TACC1: variants seen among roughly 807,000 people sequenced by gnomAD.
TACC1 encodes the protein transforming acidic coiled-coil-containing protein 1.
In TACC1, 48 loss-of-function variants were observed where a neutral mutation model predicts 84.4. The observed-to-expected ratio is 0.57, with a 90% CI of 0.45 to 0.72. The LOEUF (loss-of-function observed/expected upper bound fraction) is 0.72. Among genes scored for constraint, TACC1 ranks in the 30% least tolerant of loss-of-function variants. The pLI is 0.00. For synonymous variants in TACC1, 372 were observed against 376.3 expected (o/e 0.99, Z 0.13); for missense variants, 920 against 973.0 (o/e 0.95, Z 0.72).
At chr8:38,795,542 A>G (rs1305405769) in intron 2 of TACC1, among the ~76,000 whole-genome samples, 1 of 152,254 alleles carries the variant, frequency 6.6e-6, no homozygotes, top group African/African-American at 2.4e-5. Flanking sequence ...GCCTAAAGCC[A>G]TTTAAACATT....
intron 2 of TACC1, among the ~76,000 whole-genome samples, chr8:38,806,510 G>A (rs1822766365): frequency 6.6e-6 from 1 of 151,910 alleles, no homozygotes; most frequent in South Asian, 2.1e-4. Flanking sequence ...GAGAGAGAGA[G>A]AAAATAAATT....
intron 3 of TACC1, among the ~76,000 whole-genome samples, chr8:38,752,604 A>T (rs921421938): frequency 6.6e-6 from 1 of 152,082 alleles, no homozygotes; most frequent in Non-Finnish European, 1.5e-5. Context: ...CCCCACTTGG[A>T]CTCCATCACA....
intron 1 of TACC1, chr8:38,788,351 A>C: frequency 4.9e-6 from 1 of 205,230 alleles, no homozygotes; most frequent in Non-Finnish European, 1.0e-5. Flanking sequence ...GGGTGGGACC[A>C]GTATTAATTG....
upstream of TACC1, among the ~76,000 whole-genome samples, chr8:38,787,010 G>A (rs1012523091): frequency 6.6e-6 from 1 of 151,848 alleles, no homozygotes. Context: ...GCGGACCTGT[G>A]GGGTATGACC....
intron 3 of TACC1, among the ~76,000 whole-genome samples, chr8:38,752,188 TGG>T (rs1809165998): frequency 6.6e-6 from 1 of 152,282 alleles, no homozygotes; most frequent in East Asian, 1.9e-4. Context: ...AATACCTTCT[TGG>T]CCAGGCACTG....
chr8:38,843,938 A>G (rs965107379), intron 11 of TACC1, among the ~76,000 whole-genome samples: 1 of 152,202 alleles, frequency 6.6e-6, no homozygotes, highest in African/African-American at 2.4e-5. Context: ...TATGTTAGAA[A>G]AGGAATTGCT....
At chr8:38,755,731 CAACAACAACAACAACAACAACA>C (rs1809884532) in intron 3 of TACC1, among the ~76,000 whole-genome samples, 1 of 132,986 alleles carries the variant, frequency 7.5e-6, no homozygotes, top group Non-Finnish European at 1.6e-5. Context: ...ACAACAACAA[CAACAACAACAACAACAACAACA>C]GAGTGTTCCT....
intron 2 of TACC1, among the ~76,000 whole-genome samples, chr8:38,804,108 CA>C (rs963309642): frequency 3.3e-5 from 5 of 152,032 alleles, no homozygotes; most frequent in Non-Finnish European, 7.4e-5. Flanking sequence ...GCCTTTTACA[CA>C]GGGTTGATTT....
chr8:38,842,529 A>G lies in TACC1; in HGVS notation c.2121+82A>G, dbSNP rs73674606. The G allele has an allele frequency of 2.5e-3, 3,608 of 1,432,772 alleles. 75 individuals are homozygous for G. In the African/African-American group the frequency reaches 0.044, roughly 17 times the overall value. The allele number at this position is 1,432,772 out of a possible 1,614,324, so 88.8% of individuals were successfully genotyped here. ...TAACTGGTCATCAAATACATATGCC[A>G]GAGGTTGTGGGTATCCTTTTAAATA... On this transcript the variant is annotated intron_variant, in intron 10 of 12. Coordinates refer to ENST00000317827, the MANE Select transcript of TACC1 (RefSeq NM_006283.3).
intron 3 of TACC1, among the ~76,000 whole-genome samples, chr8:38,745,968 G>A (rs986787634): frequency 6.6e-6 from 1 of 152,102 alleles, no homozygotes; most frequent in Non-Finnish European, 1.5e-5. Context: ...GCCTCAGCTA[G>A]CATGCTCAGT....
At chr8:38,847,698 C>G (rs1832576089) in intron 12 of TACC1, among the ~76,000 whole-genome samples, 1 of 152,238 alleles carries the variant, frequency 6.6e-6, no homozygotes, top group Non-Finnish European at 1.5e-5. Flanking sequence ...AATTGGGGAA[C>G]TAAGAGATTC....
At chr8:38,732,212 A>AAAG in intron 1 of TACC1, among the ~76,000 whole-genome samples, 1 of 121,732 alleles carries the variant, frequency 8.2e-6, no homozygotes, top group African/African-American at 2.9e-5. Context: ...GGAAAGGAAA[A>AAAG]GAAAATGGTA....
intron 2 of TACC1, among the ~76,000 whole-genome samples, chr8:38,814,833 A>G (rs1232816728): frequency 1.3e-5 from 2 of 152,250 alleles, no homozygotes. Flanking sequence ...GAAAGGAGGT[A>G]GTTCTTGTCC....
rs553222836 is a variant in TACC1 at position 38,822,055 on chromosome 8, A to C, written c.1391+1420A>C. On this transcript the variant is annotated intron_variant, in intron 3 of 12. Transcript: ENST00000317827. ...GGGCAACATAGTGAGACACCCCCCC[A>C]CACACACCGATTCCCTGTCTCTTAA... 1.8e-3 allele frequency among the ~76,000 whole-genome samples: 279 copies of C among 152,064 alleles called. 1 individual carries two copies. Among genetic ancestry groups the C allele is most frequent in the African/African-American group, 6.1e-3 (251 of 41,458 alleles).
intron 2 of TACC1, among the ~76,000 whole-genome samples, chr8:38,808,766 C>T (rs1190103408): frequency 6.6e-6 from 1 of 152,226 alleles, no homozygotes; most frequent in Non-Finnish European, 1.5e-5. Flanking sequence ...TACTGAGACA[C>T]TTGCTGATAG....
At chr8:38,845,168 G>T (rs894287006) in intron 11 of TACC1, among the ~76,000 whole-genome samples, 4 of 152,118 alleles carry the variant, frequency 2.6e-5, no homozygotes, top group Non-Finnish European at 5.9e-5. Context: ...CAAGTGATCC[G>T]CCCGCCTCGG....
upstream of TACC1, chr8:38,787,220 G>T (rs1251363504): frequency 1.0e-6 from 1 of 996,370 alleles, no homozygotes; most frequent in Non-Finnish European, 1.2e-6. Context: ...TGCGCGCCCC[G>T]CCGGCCGGGA....
chr8:38,768,459 A>G (rs1430529446), intron 3 of TACC1, among the ~76,000 whole-genome samples: 2 of 152,158 alleles, frequency 1.3e-5, no homozygotes, highest in Non-Finnish European at 2.9e-5. Flanking sequence ...GGTGTGATGG[A>G]ACGTTCTAGT....
chr8:38,796,362 A>G (rs1380517100), intron 2 of TACC1, among the ~76,000 whole-genome samples: 2 of 152,240 alleles, frequency 1.3e-5, no homozygotes, highest in Non-Finnish European at 2.9e-5. Context: ...CACTATCTGA[A>G]GAGAAGACAT....
Sources: gnomAD v4.1 joint callset for allele counts (sites outside exome capture counted in the v4.1 genomes callset) on GRCh38, gnomAD v4.1.1 for gene constraint, MANE v1.5 for transcripts, NCBI Gene and HGNC (gene_info 2026-07-23, HGNC 2026-07-21) for gene names.